Variants in NTM observed in about 807,000 individuals in gnomAD.
NTM encodes IgLON family member 2.
A neutral mutation model predicts 42.1 loss-of-function variants in NTM; 13 were observed. The ratio of observed to expected loss-of-function variants is 0.31; its 90% CI spans 0.20 to 0.49. The LOEUF is 0.49. NTM is among the 20% of genes least tolerant of loss of function. NTM has a pLI of 0.99. For missense variants in NTM, 373 were observed against 452.8 expected, an observed-to-expected ratio of 0.82 and a Z score of 1.60; for synonymous variants, 187 against 179.2, an observed-to-expected ratio of 1.04 and a Z score of -0.35.
intron 1 of NTM, among the ~76,000 whole-genome samples, chr11:131,864,344 A>G (rs947343978): frequency 2.0e-5 from 3 of 152,196 alleles, no homozygotes; most frequent in African/African-American, 7.2e-5. Context: ...ATGTGACAGC[A>G]GGATTCTCCT....
At chr11:132,055,521 G>C (rs142043687) in intron 2 of NTM, among the ~76,000 whole-genome samples, 1 of 152,210 alleles carries the variant, frequency 6.6e-6, no homozygotes, top group Middle Eastern at 3.2e-3. Context: ...GTGGCATCAG[G>C]AGTGGCAGCT....
Position 131,598,774 on chromosome 11 carries a change from CT to C in NTM, c.82+227889del, listed in dbSNP as rs1565685798. On this transcript the variant is annotated intron_variant, in intron 1 of 8. Coordinates refer to ENST00000683400, the MANE Select transcript of NTM (RefSeq NM_001352005.2). Reference sequence around the variant, plus strand: ...TTCTTTCTTCTTTCTTTTTTTCTTTCTTTCTTTCTTCTTTCTTTCTTTCTTT... The same window carrying C: ...TTCTTTCTTCTTTCTTTTTTTCTTTCTTCTTTCTTCTTTCTTTCTTTCTTT... Among the ~76,000 whole-genome samples, 256 of 65,694 alleles carry C rather than the reference CT, an allele frequency of 3.9e-3. 25 individuals carry two copies. Among genetic ancestry groups the C allele is most frequent in the African/African-American group, 9.5e-3 (248 of 26,092 alleles). 43.1% of individuals were successfully genotyped at this position (65,694 alleles called of 152,430 possible). A position where few individuals can be genotyped will look rare whatever the true frequency, so the allele number is the denominator to read the frequency against.
At chr11:132,168,604 T>C (rs2075645166) in intron 3 of NTM, among the ~76,000 whole-genome samples, 2 of 152,350 alleles carry the variant, frequency 1.3e-5, no homozygotes, top group Admixed American at 1.3e-4. Context: ...TCCTGGGCAG[T>C]GTTTTTCTCC....
At chr11:131,929,325 G>GC (rs1555180718) in intron 2 of NTM, among the ~76,000 whole-genome samples, 1 of 111,746 alleles carries the variant, frequency 8.9e-6, no homozygotes. Context: ...TGAACCAACG[G>GC]GGGGGCACAT....
chr11:132,321,337 C>A (rs940050562), intron 7 of NTM, among the ~76,000 whole-genome samples: 4 of 152,036 alleles, frequency 2.6e-5, no homozygotes, highest in African/African-American at 9.7e-5. Flanking sequence ...CTTAAAGGAG[C>A]TGATGGAGGT....
At chr11:131,587,363 G>A (rs1196054566) in intron 1 of NTM, among the ~76,000 whole-genome samples, 1 of 151,932 alleles carries the variant, frequency 6.6e-6, no homozygotes, top group Non-Finnish European at 1.5e-5. Context: ...CAGGAGAATG[G>A]CATGAACCCA....
intron 1 of NTM, among the ~76,000 whole-genome samples, chr11:131,476,725 G>C (rs1215132797): frequency 6.6e-6 from 1 of 151,978 alleles, no homozygotes; most frequent in African/African-American, 2.4e-5. Context: ...AGTTTAAGAG[G>C]GAACACTTTG....
At position 131,877,207 on chromosome 11, in the gene NTM, C is replaced by G. The variant is rs905814662; in HGVS notation, c.83-34357C>G. Among the ~76,000 whole-genome samples, 21 of 152,254 alleles carry G rather than the reference C, an allele frequency of 1.4e-4. 1 individual carries two copies. Among genetic ancestry groups the G allele is most frequent in the African/African-American group, 5.1e-4 (21 of 41,558 alleles). On this transcript the variant is annotated intron_variant, in intron 1 of 8. Coordinates refer to ENST00000683400, the MANE Select transcript of NTM (RefSeq NM_001352005.2). ...GAACACTTGCTGTGCTGGGATTGTG[C>G]CCAGCTCCCTGATCTGCAGCAGCCA...
At chr11:131,940,813 A>G (rs531656805) in intron 2 of NTM, among the ~76,000 whole-genome samples, 4 of 152,362 alleles carry the variant, frequency 2.6e-5, no homozygotes, top group African/African-American at 7.2e-5. Flanking sequence ...TTGCCCTAAC[A>G]TTACTACAAG....
chr11:132,099,053 G>A (rs910091524), intron 2 of NTM, among the ~76,000 whole-genome samples: 7 of 152,220 alleles, frequency 4.6e-5, no homozygotes, highest in African/African-American at 9.7e-5. Context: ...TGCAGAAGCC[G>A]CTGCTTATCT....
At chr11:131,424,103 A>C (rs1232773415) in intron 1 of NTM, among the ~76,000 whole-genome samples, 1 of 152,286 alleles carries the variant, frequency 6.6e-6, no homozygotes, top group Admixed American at 6.5e-5. Flanking sequence ...TTGCATTTAC[A>C]TTATTAGGCG....
chr11:132,279,724 C>T (rs2044728), intron 4 of NTM, among the ~76,000 whole-genome samples: 81,315 of 151,940 alleles, frequency 0.54, 22,058 homozygotes, highest in East Asian at 0.69. Flanking sequence ...TCCCTAATAA[C>T]TCACCTTCTC....
At position 132,200,731 on chromosome 11, in the gene NTM, G is replaced by A. The variant is rs945128692; in HGVS notation, c.401-11291G>A. 4.6e-5 allele frequency among the ~76,000 whole-genome samples: 7 copies of A among 152,274 alleles called. No individual in the cohort carries two copies. In the East Asian group the frequency reaches 7.7e-4, roughly 17 times the overall value. On this transcript the variant is annotated intron_variant, in intron 3 of 8. Coordinates refer to ENST00000683400, the MANE Select transcript of NTM (RefSeq NM_001352005.2). ...TGCAGAGCTGAGAGCCGAGAGCGGC[G>A]ACCACCTGGGGACAGGGGCTTAGTC...
chr11:131,436,262 G>A (rs974657331), intron 1 of NTM, among the ~76,000 whole-genome samples: 2 of 151,994 alleles, frequency 1.3e-5, no homozygotes, highest in South Asian at 2.1e-4. Flanking sequence ...TTTTTGTTGC[G>A]TCTCTGCCAG....
chr11:131,399,142 C>T (rs189851622), intron 1 of NTM, among the ~76,000 whole-genome samples: 146 of 152,270 alleles, frequency 9.6e-4, no homozygotes, highest in Middle Eastern at 3.4e-3. Flanking sequence ...CTCTTCTCCT[C>T]GCACCCCAAA....
At chr11:132,187,079 A>C (rs1406921802) in intron 3 of NTM, among the ~76,000 whole-genome samples, 2 of 152,204 alleles carry the variant, frequency 1.3e-5, no homozygotes, top group Non-Finnish European at 2.9e-5. Flanking sequence ...TCAGAGAAGC[A>C]GGGCCAGACT....
chr11:131,674,086 C>T (rs537473995), intron 1 of NTM, among the ~76,000 whole-genome samples: 1 of 152,374 alleles, frequency 6.6e-6, no homozygotes, highest in Non-Finnish European at 1.5e-5. Context: ...CATACACACA[C>T]AGCGTAGGGT....
intron 1 of NTM, among the ~76,000 whole-genome samples, chr11:131,839,956 C>A (rs1413155900): frequency 6.6e-6 from 1 of 152,180 alleles, no homozygotes; most frequent in Non-Finnish European, 1.5e-5. Flanking sequence ...GGCAGCAGAT[C>A]TGACTACAAG....
At chr11:131,668,866 A>C (rs1246816213) in intron 1 of NTM, among the ~76,000 whole-genome samples, 1 of 152,336 alleles carries the variant, frequency 6.6e-6, no homozygotes, top group Non-Finnish European at 1.5e-5. Context: ...CTTCCTAAGA[A>C]ATCTATCCCA....
Sources: allele counts gnomAD v4.1 joint callset (sites outside exome capture counted in the v4.1 genomes callset), GRCh38; gene constraint gnomAD v4.1.1; transcripts MANE v1.5; gene names NCBI Gene and HGNC (gene_info 2026-07-23, HGNC 2026-07-21).